The following ZNF385D variants were observed in gnomAD, a reference collection of about 807,000 sequenced individuals.
ZNF385D encodes the protein zinc finger protein 659.
Under a neutral mutation model 35.8 loss-of-function variants are expected in ZNF385D, and 15 were observed. The observed-to-expected ratio is 0.42, with a 90% CI of 0.28 to 0.64. ZNF385D has a LOEUF of 0.64. Ranked by LOEUF, ZNF385D falls within the 30% of genes least tolerant of loss-of-function variation. ZNF385D has a pLI of 0.23. For missense variants in ZNF385D, 474 were observed against 494.6 expected, an observed-to-expected ratio of 0.96 and a Z score of 0.39; for synonymous variants, 212 against 186.8, an observed-to-expected ratio of 1.13 and a Z score of -1.10.
chr3:21,583,552 T>C (rs1027473773), intron 2 of ZNF385D, among the ~76,000 whole-genome samples: 1 of 152,188 alleles, frequency 6.6e-6, no homozygotes, highest in African/African-American at 2.4e-5. Flanking sequence ...GGACTTTTTT[T>C]CTGCTGATTA....
chr3:21,996,985 T>C (rs1185546560), intron 3 of ZNF385D, among the ~76,000 whole-genome samples: 2 of 152,196 alleles, frequency 1.3e-5, no homozygotes, highest in African/African-American at 4.8e-5. Flanking sequence ...TTTTAGTTTT[T>C]TGAGAGATTA....
intron 2 of ZNF385D, among the ~76,000 whole-genome samples, chr3:22,237,702 G>T (rs1699266381): frequency 6.6e-6 from 1 of 152,090 alleles, no homozygotes; most frequent in South Asian, 2.1e-4. Context: ...GCAGTGCAGT[G>T]GCACGATCTC....
At chr3:22,029,985 C>G (rs1054202911) in intron 3 of ZNF385D, among the ~76,000 whole-genome samples, 2 of 151,570 alleles carry the variant, frequency 1.3e-5, no homozygotes, top group Non-Finnish European at 2.9e-5. Flanking sequence ...AGTCAGTGGG[C>G]TGGGGAAGGC....
chr3:21,608,239 G>C (rs56103231), intron 2 of ZNF385D, among the ~76,000 whole-genome samples: 82,691 of 151,526 alleles, frequency 0.55, 22,807 homozygotes, highest in East Asian at 0.65. Context: ...TCAATCTCCT[G>C]ACCTCATGAT....
intron 3 of ZNF385D, among the ~76,000 whole-genome samples, chr3:22,060,042 G>C (rs982867515): frequency 6.6e-6 from 1 of 152,142 alleles, no homozygotes; most frequent in African/African-American, 2.4e-5. Flanking sequence ...GGGAGCTACT[G>C]GTTCTCAGAC....
At chr3:21,902,869 C>CTG (rs1212485995) in intron 3 of ZNF385D, among the ~76,000 whole-genome samples, 1 of 152,038 alleles carries the variant, frequency 6.6e-6, no homozygotes, top group East Asian at 1.9e-4. Flanking sequence ...ACTGATAATA[C>CTG]ACCCCTTTAG....
At chr3:21,752,658 C>T (rs911291422), upstream of ZNF385D, among the ~76,000 whole-genome samples, 3 of 151,978 alleles carry the variant, frequency 2.0e-5, no homozygotes, top group African/African-American at 7.2e-5. Flanking sequence ...TCAGAAACAT[C>T]ACAGTGAATC....
intron 2 of ZNF385D, among the ~76,000 whole-genome samples, chr3:22,186,811 C>G (rs543869942): frequency 1.5e-4 from 23 of 152,080 alleles, no homozygotes; most frequent in African/African-American, 5.3e-4. Context: ...TTTGAGATTG[C>G]TCATAATCAA....
chr3:21,768,980 A>C (rs1002975099), intron 3 of ZNF385D, among the ~76,000 whole-genome samples: 11 of 151,954 alleles, frequency 7.2e-5, no homozygotes, highest in Middle Eastern at 3.2e-3. Flanking sequence ...CAGGAAAACA[A>C]AAACAAAAAC....
chr3:21,807,975 G>C (rs1053742016), intron 3 of ZNF385D, among the ~76,000 whole-genome samples: 3 of 152,054 alleles, frequency 2.0e-5, no homozygotes, highest in African/African-American at 7.2e-5. Flanking sequence ...TTTTAATTTT[G>C]TGTTAGCTCT....
At chr3:21,816,234 G>A (rs1230049618) in intron 3 of ZNF385D, among the ~76,000 whole-genome samples, 1 of 152,144 alleles carries the variant, frequency 6.6e-6, no homozygotes, top group Non-Finnish European at 1.5e-5. Flanking sequence ...TACCGAATGA[G>A]CAAAAACTGG....
chr3:21,458,331 A>G (rs952136159), intron 4 of ZNF385D, among the ~76,000 whole-genome samples: 4 of 144,404 alleles, frequency 2.8e-5, no homozygotes, highest in Non-Finnish European at 6.0e-5. Flanking sequence ...AAAAAAAAGC[A>G]AATTATCCAG....
chr3:22,148,374 G>A (rs1704998749), intron 3 of ZNF385D, among the ~76,000 whole-genome samples: 1 of 152,094 alleles, frequency 6.6e-6, no homozygotes, highest in Non-Finnish European at 1.5e-5. Flanking sequence ...TTGGTTATAG[G>A]ACAGAACTGC....
chr3:22,344,495 T>A (rs934380638), intron 2 of ZNF385D, among the ~76,000 whole-genome samples: 5 of 152,168 alleles, frequency 3.3e-5, no homozygotes, highest in African/African-American at 1.2e-4. Flanking sequence ...GCTCAAGTGA[T>A]TCTCCTGCCT....
chr3:22,178,824 C>T (rs1259828088), intron 2 of ZNF385D, among the ~76,000 whole-genome samples: 2 of 152,242 alleles, frequency 1.3e-5, no homozygotes, highest in African/African-American at 2.4e-5. Context: ...TTTCCCAGCA[C>T]CATTTATTAA....
chr3:22,243,363 A>T (rs2125316947), intron 2 of ZNF385D, among the ~76,000 whole-genome samples: 1 of 151,252 alleles, frequency 6.6e-6, no homozygotes, highest in East Asian at 2.0e-4. Flanking sequence ...ATCAAAAAGA[A>T]TTTTTGAAAT....
At chr3:22,229,872 C>G (rs1306126529) in intron 2 of ZNF385D, among the ~76,000 whole-genome samples, 1 of 152,190 alleles carries the variant, frequency 6.6e-6, no homozygotes, top group Non-Finnish European at 1.5e-5. Context: ...TTTAGCCCCT[C>G]TCTCTGCCCA....
At chr3:22,034,452 C>T (rs1698192638) in intron 3 of ZNF385D, among the ~76,000 whole-genome samples, 1 of 152,030 alleles carries the variant, frequency 6.6e-6, no homozygotes, top group African/African-American at 2.4e-5. Flanking sequence ...AGCGGCCCAA[C>T]TAAGATACAC....
Position 22,199,889 on chromosome 3 carries a change from A to C in ZNF385D, c.107-30854T>G, listed in dbSNP as rs188569154. On this transcript the variant is annotated intron_variant, in intron 2 of 5. Coordinates refer to the ZNF385D transcript ENST00000494108. Reference sequence around the variant, plus strand: ...GTGAAATTTTATAAAAAGAGACCCAAACAATAACAATAGCAATGACTATTT... The same window carrying C: ...GTGAAATTTTATAAAAAGAGACCCACACAATAACAATAGCAATGACTATTT... Among the ~76,000 whole-genome samples, 12 of 152,274 alleles carry C rather than the reference A, an allele frequency of 7.9e-5. No homozygotes were observed. The East Asian group carries it at 2.3e-3, about 29-fold the overall frequency.
Sources: allele counts gnomAD v4.1 joint callset (sites outside exome capture counted in the v4.1 genomes callset), GRCh38; gene constraint gnomAD v4.1.1; transcripts MANE v1.5; gene names NCBI Gene and HGNC (gene_info 2026-07-23, HGNC 2026-07-21).